The following MTCL2 variants were observed in gnomAD, a reference collection of about 807,000 sequenced individuals.
MTCL2 encodes the protein microtubule crosslinking factor 2.
the MTCL2 span, among the ~76,000 whole-genome samples, chr20:36,801,259 T>G: frequency 6.6e-6 from 1 of 152,140 alleles, no homozygotes. Flanking sequence ...ATTTAATCAC[T>G]GTAGATAACA....
At chr20:36,841,877 GTGTGTGTGTGTGTGTGTGTGTGT>G in the MTCL2 span, among the ~76,000 whole-genome samples, 4 of 71,774 alleles carry the variant, frequency 5.6e-5, no homozygotes, top group East Asian at 2.3e-4. Flanking sequence ...GGGGTGGGGT[GTGTGTGTGTGTGTGTGTGTGTGT>G]GTGTGTGTGT....
the MTCL2 span, among the ~76,000 whole-genome samples, chr20:36,817,918 A>G: frequency 1.3e-5 from 2 of 152,242 alleles, no homozygotes; most frequent in Non-Finnish European, 2.9e-5. Flanking sequence ...TGAGACACTC[A>G]TTCCCAGAGC....
chr20:36,815,771 C>T, the MTCL2 span: 292 of 1,590,750 alleles, frequency 1.8e-4, no homozygotes, highest in Non-Finnish European at 2.2e-4. This position sits in a 1 kb window ranked among gnomAD's most constrained non-coding sequence, Gnocchi z 5.3. Context: ...TGTCCTCCGA[C>T]AGCGCCACGT....
the MTCL2 span, chr20:36,815,083 A>C: frequency 6.6e-7 from 1 of 1,508,998 alleles, no homozygotes; most frequent in Non-Finnish European, 8.9e-7. This position sits in a 1 kb window ranked among gnomAD's most constrained non-coding sequence, Gnocchi z 5.3. Context: ...AACAAAACAA[A>C]GGAAAAAAAT....
chr20:36,815,921 C>T, the MTCL2 span: 1 of 1,612,234 alleles, frequency 6.2e-7, no homozygotes, highest in Non-Finnish European at 8.5e-7. This position sits in a 1 kb window ranked among gnomAD's most constrained non-coding sequence, Gnocchi z 5.3. Flanking sequence ...CTGCCAAGCT[C>T]TCCCCGCACT....
chr20:36,815,017 G>T, the MTCL2 span: 1 of 1,058,700 alleles, frequency 9.4e-7, no homozygotes, highest in Non-Finnish European at 1.4e-6. This position sits in a 1 kb window ranked among gnomAD's most constrained non-coding sequence, Gnocchi z 5.3. Flanking sequence ...AACTGAGATT[G>T]CACCACTGCA....
chr20:36,843,449 C>A, the MTCL2 span, among the ~76,000 whole-genome samples: 2 of 151,244 alleles, frequency 1.3e-5, no homozygotes, highest in Non-Finnish European at 3.0e-5. Context: ...CACCTCCACC[C>A]TCATAGACTC....
At chr20:36,817,361 C>T in the MTCL2 span, 2 of 1,517,064 alleles carry the variant, frequency 1.3e-6, no homozygotes, top group Non-Finnish European at 8.9e-7. Context: ...GAGTCAGGCT[C>T]AGGTCTTCAG....
At chr20:36,797,113 A>C in the MTCL2 span, among the ~76,000 whole-genome samples, 4 of 152,230 alleles carry the variant, frequency 2.6e-5, no homozygotes, top group Admixed American at 2.0e-4. Context: ...GCTGCCCTGC[A>C]TCCAACTCCC....
the MTCL2 span, among the ~76,000 whole-genome samples, chr20:36,853,345 G>A: frequency 6.6e-6 from 1 of 152,184 alleles, no homozygotes; most frequent in Non-Finnish European, 1.5e-5. Flanking sequence ...ACCTCACAGA[G>A]GTCAAGTATG....
At chr20:36,834,028 G>A in the MTCL2 span, among the ~76,000 whole-genome samples, 1 of 151,954 alleles carries the variant, frequency 6.6e-6, no homozygotes, top group African/African-American at 2.4e-5. Context: ...AGCTGGGTAT[G>A]GTGGCATGCC....
At chr20:36,838,113 C>T in the MTCL2 span, among the ~76,000 whole-genome samples, 2 of 151,648 alleles carry the variant, frequency 1.3e-5, no homozygotes, top group Admixed American at 6.6e-5. Flanking sequence ...AGTGGTGACA[C>T]GATCTTGGCT....
chr20:36,809,061 G>A, the MTCL2 span, among the ~76,000 whole-genome samples: 4 of 152,342 alleles, frequency 2.6e-5, no homozygotes, highest in East Asian at 3.9e-4. Flanking sequence ...GAGGGTGAGC[G>A]ATGATAGCAG....
the MTCL2 span, among the ~76,000 whole-genome samples, chr20:36,837,228 T>C: frequency 6.6e-6 from 1 of 152,312 alleles, no homozygotes; most frequent in Middle Eastern, 3.4e-3. Flanking sequence ...CAGATCACAC[T>C]GGGCTGAGTT....
At chr20:36,794,085 G>T in the MTCL2 span, 1 of 1,551,482 alleles carries the variant, frequency 6.4e-7, no homozygotes, top group Non-Finnish European at 8.7e-7. This position sits in a 1 kb window ranked among gnomAD's most constrained non-coding sequence, Gnocchi z 5.4. Context: ...TCAAAGTCAT[G>T]CAGGGCCGCT....
At chr20:36,841,519 G>A in the MTCL2 span, among the ~76,000 whole-genome samples, 1 of 152,070 alleles carries the variant, frequency 6.6e-6, no homozygotes, top group Admixed American at 6.6e-5. Context: ...TAGGGGGAGA[G>A]GTTATTCCAG....
At chr20:36,807,315 CT>C in the MTCL2 span, among the ~76,000 whole-genome samples, 24 of 152,160 alleles carry the variant, frequency 1.6e-4, no homozygotes, top group Non-Finnish European at 5.9e-5. Flanking sequence ...TGGAGTACCC[CT>C]GATGGCGTAA....
the MTCL2 span, among the ~76,000 whole-genome samples, chr20:36,809,577 T>A: frequency 2.0e-5 from 3 of 148,676 alleles, no homozygotes; most frequent in East Asian, 5.9e-4. Flanking sequence ...ATTCTTTCAT[T>A]CTTTTTTTTT....
the MTCL2 span, among the ~76,000 whole-genome samples, chr20:36,791,755 C>T: frequency 6.6e-6 from 1 of 152,206 alleles, no homozygotes; most frequent in African/African-American, 2.4e-5. Flanking sequence ...TGTGCAAATG[C>T]AACAGAGAGA....
Sources: gnomAD v4.1 joint callset for allele counts (sites outside exome capture counted in the v4.1 genomes callset) on GRCh38, gnomAD v4.1.1 for gene constraint, Gnocchi (gnomAD v3.1) non-coding constraint, MANE v1.5 for transcripts, NCBI Gene and HGNC (gene_info 2026-07-23, HGNC 2026-07-21) for gene names.